The following SSC4D variants were observed in gnomAD, a reference collection of about 807,000 sequenced individuals.
SSC4D encodes the protein scavenger receptor cysteine rich family member with 4 domains.
Under a neutral mutation model 63.4 loss-of-function variants are expected in SSC4D, and 57 were observed. The observed-to-expected ratio is 0.90, with a 90% CI of 0.73 to 1.12. SSC4D has a LOEUF of 1.12. Among genes scored for constraint, SSC4D ranks in the 50% most tolerant of loss-of-function variants. The probability of loss-of-function intolerance (pLI) is 0.00; values close to 1 mark genes in which losing one functional copy is unlikely to be tolerated. For synonymous variants in SSC4D, 352 were observed against 345.4 expected (o/e 1.02, Z -0.21); for missense variants, 791 against 806.4 (o/e 0.98, Z 0.23).
chr7:76,399,363 G>A (rs1804740863), intron 4 of SSC4D, among the ~76,000 whole-genome samples: 1 of 152,146 alleles, frequency 6.6e-6, no homozygotes, highest in Non-Finnish European at 1.5e-5. Flanking sequence ...TGTTAGCGAT[G>A]CAGATTCTCA....
rs927119755 is a variant in SSC4D, at chr7:76,393,361, G to C, written c.1333+44C>G. The C allele has an allele frequency of 4.6e-6, 6 of 1,314,256 alleles. No individual in the cohort carries two copies. The African/African-American group carries it at 7.7e-5, about 17-fold the overall frequency. 81.4% of individuals were successfully genotyped at this position (1,314,256 alleles called of 1,614,324 possible). On this transcript the variant is annotated intron_variant, in intron 9 of 10. Coordinates refer to ENST00000275560, the MANE Select transcript of SSC4D (RefSeq NM_080744.2). ...GCCGCCCCGCCCCTCCCACGCCGCA[G>C]TGCGCGGCCCCGCTGTCAGCCTCAC...
intron 5 of SSC4D, among the ~76,000 whole-genome samples, 169 bp from the exon 6 acceptor site, chr7:76,398,001 A>G (rs1310505653): frequency 6.6e-6 from 1 of 152,128 alleles, no homozygotes; most frequent in Non-Finnish European, 1.5e-5. Flanking sequence ...GTGGGATCAT[A>G]GTATCATTTC....
intron 6 of SSC4D, among the ~76,000 whole-genome samples, chr7:76,396,223 A>G (rs1226997812): frequency 6.6e-6 from 1 of 152,222 alleles, no homozygotes; most frequent in Non-Finnish European, 1.5e-5. Context: ...GGCCAAATTG[A>G]GGACTAGCTA....
chr7:76,401,221 C>G (rs1201604895), intron 2 of SSC4D, among the ~76,000 whole-genome samples, 178 bp from the exon 3 acceptor site: 1 of 152,054 alleles, frequency 6.6e-6, no homozygotes, highest in Non-Finnish European at 1.5e-5. Context: ...ATTGGCTTCC[C>G]TGCCTCACCC....
chr7:76,392,014 TG>T lies in SSC4D; in HGVS notation c.1360del (p.Gln454SerfsTer33). On this transcript the variant is annotated frameshift_variant, in exon 10 of 11. Transcript: ENST00000275560. LOFTEE classifies it high-confidence loss of function. ...CCGCGTGGTCTCAGAACCATCCTGC[TG>T]GACTTGCAGTCCCAGCTCCTCTGGG... ...AGPEELGLQV[Q>X]QDGSETTRVP... 6.3e-7 allele frequency: 1 copy of T among 1,585,060 alleles called. No homozygotes were observed. Among genetic ancestry groups the T allele is most frequent in the Non-Finnish European group, 8.6e-7 (1 of 1,165,190 alleles).
intron 1 of SSC4D, among the ~76,000 whole-genome samples, chr7:76,407,815 G>A (rs889575127): frequency 1.3e-5 from 2 of 152,196 alleles, no homozygotes; most frequent in Non-Finnish European, 2.9e-5. Flanking sequence ...TGTCCCAGAA[G>A]CCTCTCTCAC....
At chr7:76,401,841 G>T (rs1471179920) in intron 2 of SSC4D, among the ~76,000 whole-genome samples, 2 of 152,074 alleles carry the variant, frequency 1.3e-5, no homozygotes, top group Non-Finnish European at 2.9e-5. Flanking sequence ...CCTCTTTCAG[G>T]GCCTTCTCTG....
intron 10 of SSC4D, among the ~76,000 whole-genome samples, chr7:76,391,547 T>C (rs1203284858): frequency 6.6e-6 from 1 of 152,126 alleles, no homozygotes; most frequent in Admixed American, 6.6e-5. Flanking sequence ...GTGCTTCATG[T>C]CTGCTCTCTC....
intron 9 of SSC4D, among the ~76,000 whole-genome samples, 177 bp from the exon 10 acceptor site, chr7:76,392,218 G>A (rs761328559): frequency 2.0e-5 from 3 of 152,148 alleles, no homozygotes; most frequent in Non-Finnish European, 2.9e-5. Context: ...CACTGAGTGG[G>A]TGCAGTGGCT....
chr7:76,390,256 A>C lies in SSC4D; in HGVS notation c.1531T>G (p.Cys511Gly). The C allele has an allele frequency of 6.2e-7, 1 of 1,613,994 alleles. No homozygotes were observed. The highest frequency in any genetic ancestry group is 8.5e-7 in the Non-Finnish European group (1 of 1,179,952). ...GCCTGGCCACAGCCCAGCTGGCGGC[A>C]CAGGACACCGGCTGCCCGCAGGTCC... ...AWDLRAAGVLCRQLGCGQALA... is the reference protein window; with the variant it reads ...AWDLRAAGVLGRQLGCGQALA... Residue 511 changes from cysteine to glycine, a missense_variant, in exon 11 of 11, where the codon TGC becomes GGC. Cys to Gly is a radical substitution (Grantham distance 159). Transcript: ENST00000275560.
chr7:76,390,613 C>T (rs1252382244), intron 10 of SSC4D, among the ~76,000 whole-genome samples: 5 of 152,140 alleles, frequency 3.3e-5, no homozygotes, highest in African/African-American at 9.7e-5. Flanking sequence ...ATTAGGAGAT[C>T]GAGACCATCC....
intron 7 of SSC4D, among the ~76,000 whole-genome samples, chr7:76,394,846 GAT>G (rs973831930): frequency 1.4e-5 from 2 of 141,516 alleles, no homozygotes; most frequent in African/African-American, 5.4e-5. Flanking sequence ...TTATATATAA[GAT>G]ATATATAATA....
Position 76,397,542 on chromosome 7 carries a change from CGTG to C in SSC4D, c.841_843del (p.His281del). 6.3e-7 allele frequency: 1 copy of C among 1,586,604 alleles called. No homozygotes were observed. The highest frequency in any genetic ancestry group is 8.6e-7 in the Non-Finnish European group (1 of 1,167,182). ...CCTGCGCAGAGCGCGCCCGCGTCCT[CGTG>C]GTGGCCGCAGTTGTGCACACCCCAG... On this transcript the variant is annotated inframe_deletion, in exon 6 of 11. Coordinates refer to ENST00000275560, the MANE Select transcript of SSC4D (RefSeq NM_080744.2).
chr7:76,395,446 C>G, intron 6 of SSC4D, 116 bp from the exon 7 acceptor site: 2 of 1,074,604 alleles, frequency 1.9e-6, no homozygotes, highest in Non-Finnish European at 1.4e-6. Context: ...GATGTTACTT[C>G]CAGGGCTGGT....
In SSC4D at chr7:76,395,325, C is replaced by G; in HGVS notation, c.874G>C (p.Gly292Arg). 6.2e-7 allele frequency: 1 copy of G among 1,613,800 alleles called. No individual in the cohort carries two copies. Among genetic ancestry groups the G allele is most frequent in the Non-Finnish European group, 8.5e-7 (1 of 1,180,000 alleles). The change falls in exon 7 of 11, where the codon GGT (glycine) becomes CGT (arginine). Residue 292 changes from glycine (G) to arginine (R), a missense_variant. Gly to Arg is a moderately radical substitution (Grantham distance 125, BLOSUM62 -2). Transcript: ENST00000275560. ...EDAGALCAGL[G>R]PPTLTALPSS... ...GGCAGTGCTGTGAGCGTTGGGGGAC[C>G]CAGGCCTAGGGCAGGAGAGAAGGGG...
chr7:76,404,508 G>C lies in SSC4D; in HGVS notation c.-66-3C>G, dbSNP rs1170690936. On this transcript the variant is annotated splice_polypyrimidine_tract_variant and splice_region_variant and intron_variant, in intron 1 of 10. Coordinates refer to ENST00000275560, the MANE Select transcript of SSC4D (RefSeq NM_080744.2). ...GGGAGAAGTCACAGTTGGAACATCTGAAATTAAAGATCCCAAATGTTGCTG... is the reference window on the plus strand; with the variant it reads ...GGGAGAAGTCACAGTTGGAACATCTCAAATTAAAGATCCCAAATGTTGCTG... 9 of 1,610,246 alleles carry C rather than the reference G, an allele frequency of 5.6e-6. No homozygotes were observed. Among genetic ancestry groups the C allele is most frequent in the Non-Finnish European group, 7.6e-6 (9 of 1,178,938 alleles).
At chr7:76,400,893 G>T in intron 3 of SSC4D, 115 bp downstream of exon 3, 1 of 1,375,730 alleles carries the variant, frequency 7.3e-7, no homozygotes, top group Non-Finnish European at 1.0e-6. Context: ...CCCTGAGATG[G>T]GGGCATCTAG....
At chr7:76,398,622 A>C in intron 5 of SSC4D, 98 bp downstream of exon 5, 2 of 1,358,036 alleles carry the variant, frequency 1.5e-6, no homozygotes, top group Non-Finnish European at 2.1e-6. Context: ...CTAACTTTAC[A>C]TCTTCAATTT....
intron 1 of SSC4D, among the ~76,000 whole-genome samples, chr7:76,407,635 A>G (rs1341721042): frequency 6.6e-6 from 1 of 152,148 alleles, no homozygotes. Context: ...TGGGAGGCTA[A>G]GGCAGGAGGA....
Sources: allele counts gnomAD v4.1 joint callset (sites outside exome capture counted in the v4.1 genomes callset), GRCh38; gene constraint gnomAD v4.1.1; transcripts MANE v1.5; gene names NCBI Gene and HGNC (gene_info 2026-07-23, HGNC 2026-07-21).